The following PTCH1 variants were observed in gnomAD, a reference collection of about 807,000 sequenced individuals.
PTCH1 encodes protein patched homolog 1.
In PTCH1, 14 loss-of-function variants were observed where a neutral mutation model predicts 144.6. That is an observed-to-expected ratio of 0.10 (90% CI 0.06 to 0.15). PTCH1 has a LOEUF of 0.15. Ranked by LOEUF, PTCH1 falls within the 10% of genes least tolerant of loss-of-function variation. PTCH1 has a pLI of 1.00. For missense variants in PTCH1, 1,623 were observed against 1,948.3 expected (o/e 0.83, Z 3.14); for synonymous variants, 833 against 793.6 (o/e 1.05, Z -0.83).
rs1234871751 is a variant in PTCH1 at position 95,479,009 on chromosome 9, T to C, written c.1206A>G (p.Thr402=). ...AAAILEAWQR[T]YVEVVHQSVA... is the part of the protein sequence containing the mutation. Reference sequence around the variant, plus strand: ...TCGAAGGTGGGTTTACCTCCACATATGTCCTCTGCCAGGCCTCCAGGATGG... The same window carrying C: ...TCGAAGGTGGGTTTACCTCCACATACGTCCTCTGCCAGGCCTCCAGGATGG... Residue 402 remains threonine (T), a synonymous_variant, in exon 8 of 24, where the codon ACA becomes ACG. Coordinates refer to ENST00000331920, the MANE Select transcript of PTCH1 (RefSeq NM_000264.5). 2 of 1,614,104 alleles carry C rather than the reference T, an allele frequency of 1.2e-6. No individual in the cohort carries two copies. Among genetic ancestry groups the C allele is most frequent in the Non-Finnish European group, 1.7e-6 (2 of 1,180,048 alleles).
chr9:95,453,351 G>A (rs1467925851), intron 20 of PTCH1, 127 bp downstream of exon 20: 3 of 1,414,442 alleles, frequency 2.1e-6, no homozygotes, highest in Admixed American at 1.7e-5. Context: ...GGCTGGTCTT[G>A]AACTCCTTGA....
intron 7 of PTCH1, 124 bp from the exon 8 acceptor site, chr9:95,479,271 A>C (rs1347084277): frequency 8.1e-7 from 1 of 1,241,898 alleles, no homozygotes; most frequent in South Asian, 1.2e-5. Context: ...CTGTGAGCAC[A>C]TGTTTCCATT....
At position 95,498,084 on chromosome 9, in the gene PTCH1, T is replaced by C. The variant is rs936309243; in HGVS notation, c.394+8323A>G. Among the ~76,000 whole-genome samples the C allele has an allele frequency of 3.9e-5, 6 of 152,248 alleles. No individual in the cohort carries two copies. The East Asian group carries it at 9.6e-4, about 24-fold the overall frequency. The stretch of plus-strand genomic sequence containing the variant: ...ATGATTTAAGGGGGAAAAAAAATCA[T>C]GCACATTGACTTAACAAAGCCCATT... On this transcript the variant is annotated intron_variant, in intron 2 of 23. Transcript: ENST00000331920.
chr9:95,493,802 A>AAC (rs10679493), intron 2 of PTCH1, among the ~76,000 whole-genome samples: 3 of 117,632 alleles, frequency 2.6e-5, no homozygotes, highest in Non-Finnish European at 3.7e-5. Flanking sequence ...ATCGAAAAAC[A>AAC]AAAAAAAAAG....
At chr9:95,481,296 G>A (rs1301228809) in intron 5 of PTCH1, among the ~76,000 whole-genome samples, 1 of 152,210 alleles carries the variant, frequency 6.6e-6, no homozygotes, top group Non-Finnish European at 1.5e-5. Context: ...GTCAGGGGAT[G>A]GCCACTGCAA....
intron 18 of PTCH1, 91 bp from the exon 19 acceptor site, chr9:95,456,504 G>A (rs1049176933): frequency 4.5e-5 from 67 of 1,492,048 alleles, no homozygotes; most frequent in Non-Finnish European, 5.3e-5. Context: ...AGGTGTCCTC[G>A]GTTCAGATCA....
In PTCH1 at chr9:95,476,852, C is replaced by T; in HGVS notation, c.1509G>A (p.Leu503=). The T allele has an allele frequency of 6.2e-7, 1 of 1,613,662 alleles. No homozygotes were observed. The highest frequency in any genetic ancestry group is 8.5e-7 in the Non-Finnish European group (1 of 1,179,668). Residue 503 remains leucine, a synonymous_variant, in exon 11 of 24, where the codon TTG becomes TTA. Coordinates refer to ENST00000331920, the MANE Select transcript of PTCH1 (RefSeq NM_000264.5). This position sits in a 1 kb window ranked among gnomAD's most constrained non-coding sequence, Gnocchi z 4.6. ...CACCAACACCAAGAGCGAGAAATGG[C>T]AAAACCTACAGCAAAAACAGAGGAT... The part of the protein sequence containing the change: ...ISFNAATTQV[L]PFLALGVGVD...
chr9:95,512,703 C>T (rs1288394542), upstream of PTCH1, among the ~76,000 whole-genome samples: 2 of 152,206 alleles, frequency 1.3e-5, no homozygotes, highest in Non-Finnish European at 2.9e-5. Flanking sequence ...TTCAACTAAC[C>T]ACAAGGATTC....
upstream of PTCH1, among the ~76,000 whole-genome samples, chr9:95,510,137 CA>C (rs1844074633): frequency 1.3e-5 from 2 of 150,422 alleles, no homozygotes; most frequent in African/African-American, 4.9e-5. Flanking sequence ...AAAAGAGAAA[CA>C]ACAGAATCTT....
chr9:95,506,608 G>C lies in PTCH1; in HGVS notation c.202-9C>G, dbSNP rs1843669657. 3 of 1,606,022 alleles carry C rather than the reference G, an allele frequency of 1.9e-6. No individual in the cohort carries two copies. The highest frequency in any genetic ancestry group is 2.6e-6 in the Non-Finnish European group (3 of 1,176,140). On this transcript the variant is annotated splice_polypyrimidine_tract_variant and intron_variant, in intron 1 of 23. Coordinates refer to ENST00000331920, the MANE Select transcript of PTCH1 (RefSeq NM_000264.5). ...CGGCCAGTAGCCTTCCCCTGGGGAC[G>C]AAGCAGAAGGGAGGAGTGAGCGCCG... is the stretch of plus-strand genomic sequence containing the variant.
At chr9:95,512,379 A>G (rs868721475), upstream of PTCH1, among the ~76,000 whole-genome samples, 11 of 72,002 alleles carry the variant, frequency 1.5e-4, 2 homozygotes, top group Admixed American at 1.6e-3. Flanking sequence ...TAATCTCCCC[A>G]CCCCCCACCC....
At chr9:95,485,962 C>T (rs768778899) in intron 2 of PTCH1, 88 bp from the exon 3 acceptor site, 21 of 1,417,268 alleles carry the variant, frequency 1.5e-5, no homozygotes, top group Non-Finnish European at 2.0e-5. Context: ...CCATAGGATA[C>T]ACAATAGATG....
chr9:95,494,329 G>A (rs1842652389), intron 2 of PTCH1: 1 of 985,466 alleles, frequency 1.0e-6, no homozygotes, highest in Non-Finnish European at 1.2e-6. Context: ...GCTGCCTGTC[G>A]CAGCTCCCAC....
At chr9:95,452,328 G>GACACACACACAC (rs59002919) in intron 20 of PTCH1, 2,747 of 147,736 alleles carry the variant, frequency 0.019, 40 homozygotes, top group African/African-American at 0.034. Context: ...CTCTCTCTCT[G>GACACACACACAC]ACACACACAC....
chr9:95,467,416 T>C lies in PTCH1; in HGVS notation c.2260A>G (p.Ile754Val). Residue 754 changes from isoleucine (I) to valine (V), a missense_variant, in exon 15 of 24, where the codon ATC (isoleucine) becomes GTC (valine). Ile to Val is a conservative substitution (Grantham distance 29). Coordinates refer to ENST00000331920, the MANE Select transcript of PTCH1 (RefSeq NM_000264.5). ...CCCAGCAAGCCCAGAAAAAGGAAGATCACCACTACCTGGAACAGAAGAGGC... is the reference window on the plus strand; with the variant it reads ...CCCAGCAAGCCCAGAAAAAGGAAGACCACCACTACCTGGAACAGAAGAGGC... The part of the protein sequence containing the change: ...LLKPKAKVVV[I>V]FLFLGLLGVS... 5.0e-6 allele frequency: 8 copies of C among 1,613,958 alleles called. No homozygotes were observed. Among genetic ancestry groups the C allele is most frequent in the Non-Finnish European group, 6.8e-6 (8 of 1,180,006 alleles).
chr9:95,476,130 T>C lies in PTCH1; in HGVS notation c.1632A>G (p.Thr544=), dbSNP rs2118258297. 2 of 1,613,454 alleles carry C rather than the reference T, an allele frequency of 1.2e-6. No individual in the cohort carries two copies. Among genetic ancestry groups the C allele is most frequent in the Middle Eastern group, 1.6e-4 (1 of 6,062 alleles). The change falls in exon 12 of 24, where the codon ACA becomes ACG. Residue 544 remains threonine, a synonymous_variant. Transcript: ENST00000331920. This position sits in a 1 kb window ranked among gnomAD's most constrained non-coding sequence, Gnocchi z 4.6. The stretch of plus-strand genomic sequence containing the variant: ...TGGACGTGAGGGCCACGCTGGCTCC[T>C]GTGCGCTTCAGGCACTCCCCGGTCC... The part of the protein sequence containing the change: ...EDRTGECLKR[T]GASVALTSIS...
Position 95,445,194 on chromosome 9 carries a change from T to A in PTCH1, c.*1199A>T, listed in dbSNP as rs886124043. 2.0e-5 allele frequency: 3 copies of A among 152,190 alleles called. No individual in the cohort carries two copies. The highest frequency in any genetic ancestry group is 7.2e-5 in the African/African-American group (3 of 41,438). The allele number at this position is 152,190 out of a possible 1,614,324, so 9.4% of individuals were successfully genotyped here. A position where few individuals can be genotyped will look rare whatever the true frequency, so the allele number is the denominator to read the frequency against. ...TCCATTTAAGAGAGGGAGTTTAAAC[T>A]ATAGGGACTCAAAACATCATTTCTG... On this transcript the variant is annotated 3_prime_UTR_variant, in exon 24 of 24. Coordinates refer to ENST00000331920, the MANE Select transcript of PTCH1 (RefSeq NM_000264.5).
rs1843732557 is a variant in PTCH1 at position 95,507,100 on chromosome 9, G to A, written c.202-501C>T. The A allele has an allele frequency of 7.1e-6, 7 of 985,506 alleles. No individual in the cohort carries two copies. In the South Asian group the frequency reaches 3.3e-4, roughly 46 times the overall value. The allele number at this position is 985,506 out of a possible 1,614,324, so 61.0% of individuals were successfully genotyped here. ...GGGTTCCCCCAACTGGACCCCCGCC[G>A]AGAATGGTAGTAAGTGGGGATCCAC... On this transcript the variant is annotated intron_variant, in intron 1 of 23. Transcript: ENST00000331920.
At chr9:95,481,438 C>T (rs911692179) in intron 5 of PTCH1, among the ~76,000 whole-genome samples, 2 of 152,248 alleles carry the variant, frequency 1.3e-5, no homozygotes, top group African/African-American at 4.8e-5. Context: ...TAATATCCAA[C>T]TGCTAAACGG....
Sources: gnomAD v4.1 joint callset for allele counts (sites outside exome capture counted in the v4.1 genomes callset) on GRCh38, gnomAD v4.1.1 for gene constraint, Gnocchi (gnomAD v3.1) non-coding constraint, MANE v1.5 for transcripts, NCBI Gene and HGNC (gene_info 2026-07-23, HGNC 2026-07-21) for gene names.